Variants in WASHC3 observed in about 807,000 individuals in gnomAD.
WASHC3 encodes WASH complex subunit CCDC53.
Under a neutral mutation model 26.1 loss-of-function variants are expected in WASHC3, and 24 were observed. The observed-to-expected ratio is 0.92, with a 90% CI of 0.66 to 1.29. The LOEUF is 1.29. WASHC3 is among the 50% of genes most tolerant of loss of function. The probability of loss-of-function intolerance (pLI) is 0.00; values close to 1 mark genes in which losing one functional copy is unlikely to be tolerated. For missense variants in WASHC3, 214 were observed against 229.6 expected, an observed-to-expected ratio of 0.93 and a Z score of 0.44; for synonymous variants, 77 against 75.7, an observed-to-expected ratio of 1.02 and a Z score of -0.09.
chr12:102,023,892 G>A (rs1211269111), intron 6 of WASHC3, among the ~76,000 whole-genome samples: 3 of 152,106 alleles, frequency 2.0e-5, no homozygotes, highest in African/African-American at 7.2e-5. Flanking sequence ...CATAGACAAC[G>A]AAATACCCTC....
chr12:102,032,232 C>T (rs1005195401), intron 5 of WASHC3, among the ~76,000 whole-genome samples: 1 of 152,128 alleles, frequency 6.6e-6, no homozygotes, highest in African/African-American at 2.4e-5. Context: ...ATTCAATTCA[C>T]ATTTTAAGCC....
chr12:102,014,835 T>C (rs917056670), intron 6 of WASHC3, among the ~76,000 whole-genome samples: 1 of 152,234 alleles, frequency 6.6e-6, no homozygotes, highest in Non-Finnish European at 1.5e-5. Context: ...AGGCACATTT[T>C]ACCCAGTAAA....
At chr12:102,060,994 A>G (rs1262806427) in intron 2 of WASHC3, among the ~76,000 whole-genome samples, 1 of 146,978 alleles carries the variant, frequency 6.8e-6, no homozygotes, top group Admixed American at 6.8e-5. Context: ...TAGATTTCCT[A>G]TTGTTCCCTT....
At chr12:102,036,738 A>G (rs963001575) in intron 5 of WASHC3, among the ~76,000 whole-genome samples, 1 of 152,194 alleles carries the variant, frequency 6.6e-6, no homozygotes, top group Non-Finnish European at 1.5e-5. Flanking sequence ...AATGCTGAAA[A>G]TGCTTAGGAA....
intron 6 of WASHC3, among the ~76,000 whole-genome samples, chr12:102,013,731 C>T (rs922596344): frequency 2.6e-5 from 4 of 152,090 alleles, no homozygotes; most frequent in African/African-American, 4.8e-5. Flanking sequence ...GTTTGTTAAA[C>T]GTTTTCACTT....
chr12:102,019,320 G>T (rs1489300112), intron 6 of WASHC3: 1 of 317,364 alleles, frequency 3.2e-6, no homozygotes, highest in Non-Finnish European at 6.2e-6. Flanking sequence ...ATTTTCAAGG[G>T]GAACAGAAAT....
chr12:102,061,821 G>A (rs530937127), intron 1 of WASHC3, 91 bp downstream of exon 1: 2 of 1,125,886 alleles, frequency 1.8e-6, no homozygotes, highest in Non-Finnish European at 2.6e-6. Context: ...TGACAGGGTG[G>A]GGACTCGGAA....
At chr12:102,053,111 T>C (rs1191247751) in intron 2 of WASHC3, among the ~76,000 whole-genome samples, 2 of 151,762 alleles carry the variant, frequency 1.3e-5, no homozygotes, top group Non-Finnish European at 2.9e-5. Flanking sequence ...CTAGTCACAG[T>C]ACAACCAGGA....
intron 3 of WASHC3, among the ~76,000 whole-genome samples, chr12:102,045,264 A>G (rs1214525168): frequency 6.6e-6 from 1 of 152,138 alleles, no homozygotes; most frequent in East Asian, 1.9e-4. Flanking sequence ...GGGTTTCCAA[A>G]CTAGAGAAAT....
intron 3 of WASHC3, among the ~76,000 whole-genome samples, chr12:102,044,945 G>A (rs886625813): frequency 6.6e-6 from 1 of 152,010 alleles, no homozygotes; most frequent in Admixed American, 6.6e-5. Flanking sequence ...GCTAACTTTG[G>A]GGATGACTCT....
At chr12:102,027,957 A>G (rs1265947009) in intron 5 of WASHC3, among the ~76,000 whole-genome samples, 1 of 152,202 alleles carries the variant, frequency 6.6e-6, no homozygotes, top group Admixed American at 6.5e-5. Context: ...TCTCTTCAAA[A>G]CCATACCTCT....
chr12:102,043,267 A>G (rs988897303), intron 4 of WASHC3, among the ~76,000 whole-genome samples: 1 of 151,904 alleles, frequency 6.6e-6, no homozygotes, highest in African/African-American at 2.4e-5. Context: ...TGTTTTATTT[A>G]TTTATTTATT....
intron 6 of WASHC3, among the ~76,000 whole-genome samples, chr12:102,021,829 C>G (rs912108218): frequency 1.9e-5 from 2 of 103,592 alleles, no homozygotes; most frequent in Non-Finnish European, 3.9e-5. Flanking sequence ...GCTGGGCATG[C>G]CATGTAAAAA....
chr12:102,055,583 T>A (rs1369427960), intron 2 of WASHC3, among the ~76,000 whole-genome samples: 1 of 152,202 alleles, frequency 6.6e-6, no homozygotes, highest in Non-Finnish European at 1.5e-5. Flanking sequence ...TAGCCTCAGG[T>A]GATCTGCCCA....
At chr12:102,021,581 G>A (rs1391393834) in intron 6 of WASHC3, among the ~76,000 whole-genome samples, 1 of 152,156 alleles carries the variant, frequency 6.6e-6, no homozygotes, top group Non-Finnish European at 1.5e-5. Context: ...TTTCTAGCTA[G>A]TGTCTGCCAG....
At chr12:102,050,636 C>A (rs763565179) in intron 2 of WASHC3, 19 of 445,962 alleles carry the variant, frequency 4.3e-5, no homozygotes, top group Non-Finnish European at 8.1e-5. Flanking sequence ...CAGCAAGACC[C>A]CGTCTCGGGG....
intron 2 of WASHC3, 148 bp from the exon 3 acceptor site, chr12:102,046,267 A>T: frequency 3.9e-6 from 2 of 518,038 alleles, no homozygotes; most frequent in South Asian, 2.7e-5. Flanking sequence ...AGGAATGAGA[A>T]CTCTTCTATT....
chr12:102,050,836 G>C (rs973995219), intron 2 of WASHC3, among the ~76,000 whole-genome samples: 4 of 152,158 alleles, frequency 2.6e-5, no homozygotes, highest in South Asian at 2.1e-4. Context: ...AGTCCCAATG[G>C]ATGACCATAA....
At chr12:102,056,253 C>A (rs541002570) in intron 2 of WASHC3, among the ~76,000 whole-genome samples, 1 of 152,280 alleles carries the variant, frequency 6.6e-6, no homozygotes, top group South Asian at 2.1e-4. Flanking sequence ...AAATATGAAG[C>A]TACCTTCATT....
Sources: gnomAD v4.1 joint callset for allele counts (sites outside exome capture counted in the v4.1 genomes callset) on GRCh38, gnomAD v4.1.1 for gene constraint, MANE v1.5 for transcripts, NCBI Gene and HGNC (gene_info 2026-07-23, HGNC 2026-07-21) for gene names.